The following PLPPR1 variants were observed in gnomAD, a reference collection of about 807,000 sequenced individuals.
PLPPR1 encodes phospholipid phosphatase related 1.
PLPPR1 carries 10 observed loss-of-function variants against 33.1 expected under a neutral mutation model. The observed-to-expected ratio is 0.30, with a 90% CI of 0.19 to 0.51. PLPPR1 has a LOEUF of 0.51. Among genes scored for constraint, PLPPR1 ranks in the 20% least tolerant of loss-of-function variants. PLPPR1 has a pLI of 0.97. For missense variants in PLPPR1, 304 were observed against 408.1 expected (o/e 0.74, Z 2.20); for synonymous variants, 151 against 151.0 (o/e 1.00, Z 0.00).
intron 2 of PLPPR1, among the ~76,000 whole-genome samples, chr9:101,267,970 T>A (rs1339542971): frequency 6.6e-6 from 1 of 152,122 alleles, no homozygotes; most frequent in African/African-American, 2.4e-5. Flanking sequence ...TGGATGAAGC[T>A]GGAAACCATC....
chr9:101,148,687 A>T (rs1381711391), intron 1 of PLPPR1, among the ~76,000 whole-genome samples: 1 of 152,096 alleles, frequency 6.6e-6, no homozygotes, highest in African/African-American at 2.4e-5. Context: ...CTGTATGTTC[A>T]CTTGGTCACA....
intron 1 of PLPPR1, among the ~76,000 whole-genome samples, chr9:101,057,259 G>A (rs1339824723): frequency 6.6e-6 from 1 of 152,048 alleles, no homozygotes; most frequent in Admixed American, 6.6e-5. Flanking sequence ...CAATTTTTTA[G>A]TGTAATGTTA....
intron 2 of PLPPR1, among the ~76,000 whole-genome samples, chr9:101,186,081 G>A (rs565328078): frequency 6.3e-4 from 96 of 151,858 alleles, no homozygotes; most frequent in Middle Eastern, 6.8e-3. Context: ...CTTTTGTCCT[G>A]AATTACTTTG....
chr9:101,272,654 A>G (rs1828121566), intron 3 of PLPPR1, among the ~76,000 whole-genome samples: 1 of 152,228 alleles, frequency 6.6e-6, no homozygotes, highest in Admixed American at 6.5e-5. Context: ...GACAACTAAC[A>G]ACCAGCAATC....
chr9:101,148,462 C>A (rs1831546818), intron 1 of PLPPR1, among the ~76,000 whole-genome samples: 1 of 152,206 alleles, frequency 6.6e-6, no homozygotes, highest in East Asian at 1.9e-4. Flanking sequence ...TTTGTTGGAA[C>A]TGTTTCTTCA....
intron 4 of PLPPR1, among the ~76,000 whole-genome samples, chr9:101,286,789 G>A (rs760452629): frequency 6.6e-6 from 1 of 152,108 alleles, no homozygotes; most frequent in South Asian, 2.1e-4. Context: ...AATTCCTGAG[G>A]TGCTAGTGAT....
At chr9:101,147,376 A>T (rs890163946) in intron 1 of PLPPR1, among the ~76,000 whole-genome samples, 1 of 152,142 alleles carries the variant, frequency 6.6e-6, no homozygotes, top group Admixed American at 6.6e-5. Flanking sequence ...ATATTAGGGG[A>T]TATTTTGAAT....
intron 1 of PLPPR1, among the ~76,000 whole-genome samples, chr9:101,173,768 G>T (rs1198777774): frequency 6.6e-6 from 1 of 152,118 alleles, no homozygotes; most frequent in Non-Finnish European, 1.5e-5. Context: ...TCCCCTTGAA[G>T]AGGACATATG....
At chr9:101,253,499 C>T (rs1028074240) in intron 2 of PLPPR1, among the ~76,000 whole-genome samples, 1 of 152,010 alleles carries the variant, frequency 6.6e-6, no homozygotes, top group African/African-American at 2.4e-5. Flanking sequence ...CAAGATCATG[C>T]CCCTGGACTC....
chr9:101,287,985 G>A (rs1828425448), intron 4 of PLPPR1, among the ~76,000 whole-genome samples: 1 of 152,156 alleles, frequency 6.6e-6, no homozygotes, highest in Admixed American at 6.5e-5. Flanking sequence ...ATTTAAAGCA[G>A]AGATTTATTG....
chr9:101,290,372 A>G (rs1030462875), intron 4 of PLPPR1, among the ~76,000 whole-genome samples: 2 of 152,188 alleles, frequency 1.3e-5, no homozygotes, highest in Admixed American at 6.5e-5. Context: ...TCTACTACAA[A>G]TAGTATTTTC....
chr9:101,250,520 T>C (rs2118864562), intron 2 of PLPPR1, among the ~76,000 whole-genome samples: 1 of 152,112 alleles, frequency 6.6e-6, no homozygotes, highest in East Asian at 1.9e-4. Flanking sequence ...AGTGGCCATG[T>C]CTTATTTCCC....
intron 1 of PLPPR1, among the ~76,000 whole-genome samples, chr9:101,158,174 T>C (rs1564161319): frequency 1.3e-5 from 2 of 151,790 alleles, no homozygotes; most frequent in Non-Finnish European, 2.9e-5. Context: ...AAAGCTTCAA[T>C]AGAGAAATGG....
At chr9:101,168,000 T>C (rs1046753443) in intron 1 of PLPPR1, among the ~76,000 whole-genome samples, 2 of 151,670 alleles carry the variant, frequency 1.3e-5, no homozygotes, top group Non-Finnish European at 2.9e-5. Context: ...TTCCCCTTTG[T>C]AAAACCATAA....
chr9:101,315,540 A>T (rs1036362133), intron 6 of PLPPR1, among the ~76,000 whole-genome samples: 3 of 152,200 alleles, frequency 2.0e-5, no homozygotes, highest in African/African-American at 7.2e-5. Flanking sequence ...TCTCCATAAC[A>T]TGCAGCCCTG....
At chr9:101,051,812 G>A (rs1032881274) in intron 1 of PLPPR1, among the ~76,000 whole-genome samples, 4 of 152,228 alleles carry the variant, frequency 2.6e-5, no homozygotes, top group Non-Finnish European at 1.5e-5. Context: ...ATTCCAACAC[G>A]CATTGGTGAT....
At chr9:101,186,755 T>C (rs1361178633) in intron 2 of PLPPR1, among the ~76,000 whole-genome samples, 3 of 151,924 alleles carry the variant, frequency 2.0e-5, no homozygotes, top group Non-Finnish European at 4.4e-5. Flanking sequence ...TGCTTGGTAC[T>C]TTTAGATGAA....
intron 4 of PLPPR1, among the ~76,000 whole-genome samples, chr9:101,290,050 A>G (rs766187378): frequency 1.3e-5 from 2 of 152,190 alleles, no homozygotes; most frequent in Non-Finnish European, 2.9e-5. Context: ...GAATGCATCT[A>G]TTAATCTTGA....
chr9:101,174,588 G>A (rs1314509891), intron 1 of PLPPR1, among the ~76,000 whole-genome samples: 1 of 152,126 alleles, frequency 6.6e-6, no homozygotes, highest in Non-Finnish European at 1.5e-5. Context: ...AAAGAGGTTT[G>A]TTCCCCTCCT....
Sources: allele counts gnomAD v4.1 joint callset (sites outside exome capture counted in the v4.1 genomes callset), GRCh38; gene constraint gnomAD v4.1.1; transcripts MANE v1.5; gene names NCBI Gene and HGNC (gene_info 2026-07-23, HGNC 2026-07-21).